KLHL12: variants seen among roughly 807,000 people sequenced by gnomAD.
KLHL12 encodes kelch-like protein 12.
In KLHL12, 17 loss-of-function variants were observed where a neutral mutation model predicts 60.8. The observed-to-expected ratio is 0.28, with a 90% CI of 0.19 to 0.42. The LOEUF is 0.42. Among genes scored for constraint, KLHL12 ranks in the 10% least tolerant of loss-of-function variants. The pLI, the probability that KLHL12 is intolerant of heterozygous loss-of-function variation, is 1.00. For synonymous variants in KLHL12, 220 were observed against 250.9 expected (o/e 0.88, Z 1.16); for missense variants, 468 against 722.3 (o/e 0.65, Z 4.04).
chr1:202,907,029 T>C (rs1466925697), intron 6 of KLHL12, among the ~76,000 whole-genome samples: 1 of 152,192 alleles, frequency 6.6e-6, no homozygotes, highest in African/African-American at 2.4e-5. Flanking sequence ...TATTTTCCTA[T>C]AATTTCTTCT....
chr1:202,903,533 C>T (rs563706928), intron 6 of KLHL12, among the ~76,000 whole-genome samples: 2 of 147,838 alleles, frequency 1.4e-5, no homozygotes, highest in South Asian at 4.4e-4. Flanking sequence ...AATTATGGTT[C>T]ACTGCAGCCT....
chr1:202,916,551 G>A (rs1020615176), intron 4 of KLHL12, among the ~76,000 whole-genome samples: 1 of 152,148 alleles, frequency 6.6e-6, no homozygotes, highest in African/African-American at 2.4e-5. Flanking sequence ...GGCCGAGGCA[G>A]GAGAATCACT....
intron 6 of KLHL12, among the ~76,000 whole-genome samples, chr1:202,906,316 G>A (rs575313738): frequency 3.8e-4 from 57 of 149,738 alleles, no homozygotes; most frequent in African/African-American, 1.3e-3. Flanking sequence ...TTAGCCAGGC[G>A]TGGTGGCACA....
chr1:202,910,788 T>C (rs1342310484), intron 5 of KLHL12, among the ~76,000 whole-genome samples: 2 of 152,186 alleles, frequency 1.3e-5, no homozygotes, highest in Admixed American at 1.3e-4. Context: ...CAAGTGTTTA[T>C]ATAAAACACT....
At position 202,925,335 on chromosome 1, in the gene KLHL12, C is replaced by T. The variant is rs3737886; in HGVS notation, c.-45-128G>A. 169 of 1,066,414 alleles carry T rather than the reference C, an allele frequency of 1.6e-4. 1 individual carries two copies. In the East Asian group the frequency reaches 4.8e-3, roughly 30 times the overall value. The allele number at this position is 1,066,414 out of a possible 1,614,324, so 66.1% of individuals were successfully genotyped here. The stretch of plus-strand genomic sequence containing the variant: ...CCCAAACATACACAAGTTGAGGGCA[C>T]TCCTATGCCTGGCATCACCACCAAC... On this transcript the variant is annotated intron_variant, in intron 1 of 11. Transcript: ENST00000367261.
At chr1:202,916,301 T>C (rs1660518135) in intron 4 of KLHL12, among the ~76,000 whole-genome samples, 1 of 152,208 alleles carries the variant, frequency 6.6e-6, no homozygotes, top group Non-Finnish European at 1.5e-5. Context: ...TAATCCATTT[T>C]CCCTCAGAAC....
At chr1:202,922,464 G>A (rs1276477453) in intron 2 of KLHL12, among the ~76,000 whole-genome samples, 2 of 149,986 alleles carry the variant, frequency 1.3e-5, no homozygotes, top group African/African-American at 4.9e-5. Context: ...GCGATAAAGG[G>A]TCTAAAGATC....
chr1:202,902,899 G>A (rs2102418997), intron 6 of KLHL12, among the ~76,000 whole-genome samples: 1 of 152,286 alleles, frequency 6.6e-6, no homozygotes. Context: ...CTGGGAGGCT[G>A]AGGTGGGAGG....
intron 2 of KLHL12, among the ~76,000 whole-genome samples, chr1:202,920,222 G>A (rs1010826495): frequency 6.6e-6 from 1 of 151,822 alleles, no homozygotes; most frequent in African/African-American, 2.4e-5. Context: ...GCTGAGGCAG[G>A]AGAATTGCTT....
chr1:202,897,083 T>C, intron 6 of KLHL12, 123 bp from the exon 7 acceptor site: 1 of 763,016 alleles, frequency 1.3e-6, no homozygotes. Context: ...AGGGATGCAA[T>C]CCGAAATGGG....
intron 4 of KLHL12, among the ~76,000 whole-genome samples, chr1:202,916,961 A>T (rs997673362): frequency 2.1e-5 from 3 of 141,878 alleles, no homozygotes; most frequent in African/African-American, 7.8e-5. Flanking sequence ...TGACAGAGTG[A>T]GACCATCTCA....
intron 6 of KLHL12, among the ~76,000 whole-genome samples, chr1:202,908,194 T>A (rs1016905462): frequency 2.0e-5 from 3 of 152,164 alleles, no homozygotes; most frequent in Admixed American, 6.5e-5. Flanking sequence ...GTGTTAGGTA[T>A]CTTATATACA....
At chr1:202,898,612 C>T (rs1277344106) in intron 6 of KLHL12, among the ~76,000 whole-genome samples, 1 of 152,122 alleles carries the variant, frequency 6.6e-6, no homozygotes, top group Non-Finnish European at 1.5e-5. Context: ...ACAGGCAATA[C>T]ATGGGAGAAG....
In KLHL12 at chr1:202,911,441, CAT is replaced by C. The variant is rs1431524216; in HGVS notation, c.568-240_568-239del. On this transcript the variant is annotated intron_variant, in intron 4 of 11. Coordinates refer to ENST00000367261, the MANE Select transcript of KLHL12 (RefSeq NM_021633.4). ...AAAAATATATATATATACACACACA[CAT>C]ATATATATATGTATCTCTCTCTCTC... Among the ~76,000 whole-genome samples the C allele has an allele frequency of 2.7e-4, 32 of 120,390 alleles. No homozygotes were observed. The South Asian group carries it at 6.9e-3, about 26-fold the overall frequency. 79.0% of individuals were successfully genotyped at this position (120,390 alleles called of 152,430 possible). A position where few individuals can be genotyped will look rare whatever the true frequency, so the allele number is the denominator to read the frequency against.
At chr1:202,926,676 C>A (rs1350582338) in intron 1 of KLHL12, among the ~76,000 whole-genome samples, 1 of 152,172 alleles carries the variant, frequency 6.6e-6, no homozygotes, top group Admixed American at 6.5e-5. Flanking sequence ...CCTGCCTCAA[C>A]ACTCCAAGTC....
intron 5 of KLHL12, among the ~76,000 whole-genome samples, chr1:202,910,185 GT>G (rs1443879089): frequency 6.6e-6 from 1 of 152,158 alleles, no homozygotes; most frequent in African/African-American, 2.4e-5. Flanking sequence ...TATCATCCCT[GT>G]TTTACACATA....
chr1:202,927,157 G>C lies in KLHL12; in HGVS notation c.-114C>G. ...CCTGTGGGGATGGAGTGCGGCGCGG[G>C]GCTAGCAGGCGGCTCGGGAGGAGCC... On this transcript the variant is annotated 5_prime_UTR_variant, in exon 1 of 12. Coordinates refer to ENST00000367261, the MANE Select transcript of KLHL12 (RefSeq NM_021633.4). 1.0e-6 allele frequency: 1 copy of C among 985,378 alleles called. No individual in the cohort carries two copies. The highest frequency in any genetic ancestry group is 1.7e-5 in the African/African-American group (1 of 57,334). 61.0% of individuals were successfully genotyped at this position (985,378 alleles called of 1,614,324 possible). A position where few individuals can be genotyped will look rare whatever the true frequency, so the allele number is the denominator to read the frequency against.
intron 4 of KLHL12, among the ~76,000 whole-genome samples, chr1:202,914,594 G>A (rs1170795161): frequency 2.0e-5 from 3 of 152,116 alleles, no homozygotes; most frequent in Admixed American, 6.5e-5. Context: ...TGGGCTGGGC[G>A]TGGTGGCTCA....
chr1:202,922,446 A>AG (rs1256623804), intron 2 of KLHL12, among the ~76,000 whole-genome samples: 44 of 151,464 alleles, frequency 2.9e-4, no homozygotes, highest in South Asian at 1.0e-3. Context: ...AAAAAAAAAA[A>AG]AGAGAGAGCG....
Sources: allele counts gnomAD v4.1 joint callset (sites outside exome capture counted in the v4.1 genomes callset), GRCh38; gene constraint gnomAD v4.1.1; transcripts MANE v1.5; gene names NCBI Gene and HGNC (gene_info 2026-07-23, HGNC 2026-07-21).